USH2A: variants seen among roughly 807,000 people sequenced by gnomAD.
USH2A encodes Usher syndrome 2A (autosomal recessive, mild).
Under a neutral mutation model 538.9 loss-of-function variants are expected in USH2A, and 443 were observed. The ratio of observed to expected loss-of-function variants is 0.82; its 90% CI spans 0.76 to 0.89. The LOEUF is 0.89. Ranked by LOEUF, USH2A falls within the 40% of genes least tolerant of loss-of-function variation. The pLI is 0.00. For synonymous variants in USH2A, 2,413 were observed against 2,273.5 expected (o/e 1.06, Z -1.75); for missense variants, 6,633 against 6,324.8 (o/e 1.05, Z -1.65).
At chr1:216,099,734 CT>C (rs2032531796) in intron 21 of USH2A, among the ~76,000 whole-genome samples, 1 of 152,054 alleles carries the variant, frequency 6.6e-6, no homozygotes, top group Non-Finnish European at 1.5e-5. Context: ...ATGGTCCATT[CT>C]TTTCACCAAT....
chr1:215,761,017 A>C (rs961634400), intron 56 of USH2A, among the ~76,000 whole-genome samples: 2 of 152,114 alleles, frequency 1.3e-5, no homozygotes, highest in African/African-American at 4.8e-5. Flanking sequence ...ATGGTCCCAC[A>C]TTTTATTGGC....
rs1369815100 is a variant in USH2A at position 216,072,678 on chromosome 1, G to A, written c.5857+211C>T. 2.7e-5 allele frequency: 16 copies of A among 602,712 alleles called. No individual in the cohort carries two copies. In the Admixed American group the frequency reaches 4.1e-4, roughly 15 times the overall value. The allele number at this position is 602,712 out of a possible 1,614,324, so 37.3% of individuals were successfully genotyped here. On this transcript the variant is annotated intron_variant, in intron 29 of 71. Coordinates refer to ENST00000307340, the MANE Select transcript of USH2A (RefSeq NM_206933.4). ...ATCCTAAGAGGAAAGGATCAAGTCT[G>A]AGCAAGTATTTAGTGAATTCTTGGT...
chr1:216,081,906 T>A (rs960464682), intron 26 of USH2A, among the ~76,000 whole-genome samples: 7 of 150,036 alleles, frequency 4.7e-5, no homozygotes, highest in African/African-American at 1.8e-4. Flanking sequence ...CTTAATTTTT[T>A]AATTTTTTTT....
At chr1:216,000,303 C>G (rs1668238158) in intron 33 of USH2A, 100 bp downstream of exon 33, 1 of 1,488,868 alleles carries the variant, frequency 6.7e-7, no homozygotes. Context: ...TGCATTTAAT[C>G]ACAATAAAAT....
At chr1:216,393,693 C>A (rs530208405) in intron 3 of USH2A, among the ~76,000 whole-genome samples, 1 of 152,112 alleles carries the variant, frequency 6.6e-6, no homozygotes, top group African/African-American at 2.4e-5. Context: ...CACGTTCAGC[C>A]TATCTCTCCC....
At chr1:216,320,428 T>C (rs2037583433) in intron 9 of USH2A, among the ~76,000 whole-genome samples, 1 of 152,186 alleles carries the variant, frequency 6.6e-6, no homozygotes, top group African/African-American at 2.4e-5. Context: ...AACAGACTAA[T>C]ACACCATTCC....
chr1:216,221,977 G>A (rs533641478), intron 14 of USH2A, among the ~76,000 whole-genome samples: 1 of 152,238 alleles, frequency 6.6e-6, no homozygotes, highest in African/African-American at 2.4e-5. Flanking sequence ...ATAAACATGA[G>A]CTACTTCATG....
chr1:215,642,285 T>C (rs756000733), intron 67 of USH2A, among the ~76,000 whole-genome samples: 13 of 152,234 alleles, frequency 8.5e-5, no homozygotes, highest in Non-Finnish European at 1.8e-4. Flanking sequence ...GATTGATTCC[T>C]AATTTTTGGG....
chr1:216,236,488 T>A (rs551247774), intron 13 of USH2A, among the ~76,000 whole-genome samples: 7 of 152,310 alleles, frequency 4.6e-5, no homozygotes, highest in Middle Eastern at 6.8e-3. Context: ...CTCTGGTAAT[T>A]TACTCAATAG....
intron 21 of USH2A, among the ~76,000 whole-genome samples, chr1:216,172,376 T>G (rs1286946228): frequency 6.6e-6 from 1 of 152,086 alleles, no homozygotes; most frequent in Non-Finnish European, 1.5e-5. Context: ...TGTATTTGAG[T>G]ACTAATTGAT....
intron 11 of USH2A, among the ~76,000 whole-genome samples, chr1:216,257,807 A>G (rs956404714): frequency 2.0e-5 from 3 of 151,960 alleles, no homozygotes; most frequent in Admixed American, 1.3e-4. Flanking sequence ...CTAATTTTTT[A>G]TATATAACAT....
At chr1:216,321,768 C>T (rs761677394) in intron 9 of USH2A, 115 bp downstream of exon 9, 26 of 915,338 alleles carry the variant, frequency 2.8e-5, no homozygotes, top group Non-Finnish European at 3.9e-5. Context: ...ATTTTAAGTT[C>T]ATATCAGTTT....
Position 215,973,247 on chromosome 1 carries a change from T to C in USH2A, c.6806-2471A>G, listed in dbSNP as rs75164224. 5.4e-4 allele frequency among the ~76,000 whole-genome samples: 82 copies of C among 152,294 alleles called. No homozygotes were observed. In the East Asian group the frequency reaches 6.4e-3, roughly 12 times the overall value. Reference sequence around the variant, plus strand: ...GAGAATGTCTTTTATGTTAGGATTATGTGCATAATATCTCATTTATCTGAC... The same window carrying C: ...GAGAATGTCTTTTATGTTAGGATTACGTGCATAATATCTCATTTATCTGAC... On this transcript the variant is annotated intron_variant, in intron 35 of 71. Coordinates refer to ENST00000307340, the MANE Select transcript of USH2A (RefSeq NM_206933.4).
intron 3 of USH2A, among the ~76,000 whole-genome samples, chr1:216,369,904 C>CA (rs2038669644): frequency 8.1e-6 from 1 of 123,458 alleles, no homozygotes; most frequent in South Asian, 2.8e-4. Context: ...GCCTGGGTGA[C>CA]AGAGTGAGAC....
Position 215,674,667 on chromosome 1 carries a change from G to A in USH2A, c.13244C>T (p.Ser4415Phe). The A allele has an allele frequency of 6.2e-7, 1 of 1,614,166 alleles. No homozygotes were observed. The highest frequency in any genetic ancestry group is 1.1e-5 in the South Asian group (1 of 91,078). Reference protein sequence around the residue: ...CLLVSHLQPYSQYNFSLVACT... With the variant: ...CLLVSHLQPYFQYNFSLVACT... ...GGCTACAAGGGAGAAGTTATACTGA[G>A]AGTAAGGCTGCAGGTGGGAAACCAG... Residue 4415 changes from serine (S) to phenylalanine (F), a missense_variant, in exon 63 of 72, where the codon TCT becomes TTT. Ser to Phe is a radical substitution (Grantham distance 155). Coordinates refer to ENST00000307340, the MANE Select transcript of USH2A (RefSeq NM_206933.4).
At chr1:216,236,146 T>G (rs1029627641) in intron 13 of USH2A, among the ~76,000 whole-genome samples, 4 of 152,162 alleles carry the variant, frequency 2.6e-5, no homozygotes. Context: ...TTCTCTTTTT[T>G]AAAACAATTT....
At chr1:216,155,555 T>C (rs747644754) in intron 21 of USH2A, among the ~76,000 whole-genome samples, 2 of 152,150 alleles carry the variant, frequency 1.3e-5, no homozygotes, top group African/African-American at 2.4e-5. Context: ...TGATTTCATC[T>C]TCAACTTATC....
intron 64 of USH2A, among the ~76,000 whole-genome samples, chr1:215,652,988 G>A (rs541985853): frequency 3.3e-5 from 5 of 152,176 alleles, no homozygotes; most frequent in African/African-American, 1.2e-4. Context: ...GGAGATGGAA[G>A]TAGTGCAGGC....
chr1:216,096,984 G>T, intron 22 of USH2A, 99 bp downstream of exon 22: 1 of 1,248,550 alleles, frequency 8.0e-7, no homozygotes, highest in Non-Finnish European at 1.1e-6. Context: ...ACCTTACAAG[G>T]TTTGAATGAA....
Sources: allele counts gnomAD v4.1 joint callset (sites outside exome capture counted in the v4.1 genomes callset), GRCh38; gene constraint gnomAD v4.1.1; transcripts MANE v1.5; gene names NCBI Gene and HGNC (gene_info 2026-07-23, HGNC 2026-07-21).